Variants in QKI observed in about 807,000 individuals in gnomAD.
QKI encodes the protein QKI, KH domain containing RNA binding.
QKI carries 10 observed loss-of-function variants against 39.0 expected under a neutral mutation model. That is an observed-to-expected ratio of 0.26 (90% CI 0.16 to 0.43). The LOEUF (loss-of-function observed/expected upper bound fraction) is 0.43, where lower values mean the gene tolerates loss of function less well. Ranked by LOEUF, QKI falls within the 20% of genes least tolerant of loss-of-function variation. QKI has a pLI of 1.00. For missense variants in QKI, 218 were observed against 428.0 expected, an observed-to-expected ratio of 0.51 and a Z score of 4.33; for synonymous variants, 204 against 155.4, an observed-to-expected ratio of 1.31 and a Z score of -2.33.
intron 2 of QKI, chr6:163,457,525 C>T: frequency 2.2e-6 from 1 of 450,214 alleles, no homozygotes; most frequent in South Asian, 1.6e-5. Flanking sequence ...AGCCCCTTTC[C>T]ATACTTATTG....
intron 4 of QKI, among the ~76,000 whole-genome samples, chr6:163,560,808 A>G (rs1015053448): frequency 2.0e-5 from 3 of 152,214 alleles, no homozygotes; most frequent in African/African-American, 4.8e-5. Context: ...GCCTTTGTGT[A>G]GAGATTGATT....
At chr6:163,460,036 T>C (rs1791229272) in intron 2 of QKI, among the ~76,000 whole-genome samples, 1 of 152,208 alleles carries the variant, frequency 6.6e-6, no homozygotes, top group African/African-American at 2.4e-5. Context: ...TAGTTATCAA[T>C]TTCAAGTTGT....
intron 4 of QKI, among the ~76,000 whole-genome samples, chr6:163,554,893 A>C (rs1027617280): frequency 1.3e-5 from 2 of 152,202 alleles, no homozygotes; most frequent in Non-Finnish European, 2.9e-5. Context: ...CAGTCCATCC[A>C]CAAAATAGCA....
chr6:163,441,458 T>C (rs2128214941), intron 1 of QKI, among the ~76,000 whole-genome samples: 1 of 152,316 alleles, frequency 6.6e-6, no homozygotes, highest in East Asian at 1.9e-4. Flanking sequence ...AAAGGTGTTT[T>C]TTCTCCAAGG....
chr6:163,516,573 G>C (rs1394839957), intron 3 of QKI, among the ~76,000 whole-genome samples: 1 of 152,196 alleles, frequency 6.6e-6, no homozygotes, highest in Non-Finnish European at 1.5e-5. Flanking sequence ...GATTACAGGC[G>C]TGAGCCATTG....
chr6:163,449,791 T>C (rs1007479839), intron 1 of QKI, among the ~76,000 whole-genome samples: 3 of 152,126 alleles, frequency 2.0e-5, no homozygotes, highest in Admixed American at 2.0e-4. Context: ...CATTGCAGTA[T>C]TGATTTTATA....
intron 1 of QKI, among the ~76,000 whole-genome samples, chr6:163,435,500 A>G (rs979702560): frequency 2.0e-5 from 3 of 152,224 alleles, no homozygotes; most frequent in Non-Finnish European, 4.4e-5. Context: ...TGAGGAGAAC[A>G]TTGGAATCAT....
intron 3 of QKI, among the ~76,000 whole-genome samples, chr6:163,491,579 C>T (rs2128228518): frequency 6.6e-6 from 1 of 152,036 alleles, no homozygotes; most frequent in South Asian, 2.1e-4. Flanking sequence ...TCATTAAGGA[C>T]TCAAATGGCT....
At chr6:163,421,531 G>A (rs1243777631) in intron 1 of QKI, among the ~76,000 whole-genome samples, 1 of 151,638 alleles carries the variant, frequency 6.6e-6, no homozygotes, top group Non-Finnish European at 1.5e-5. Context: ...GTCCCTAAGT[G>A]CTGCTTTGGT....
chr6:163,562,056 C>A lies in QKI; in HGVS notation c.621C>A (p.Ala207=). The A allele has an allele frequency of 6.2e-7, 1 of 1,612,392 alleles. No homozygotes were observed. Among genetic ancestry groups the A allele is most frequent in the South Asian group, 1.1e-5 (1 of 90,848 alleles). ...TTCTGAATGGCACCTACAGAGATGC[C>A]AACATTAAATCACGTAAGAATGAGC... ...LAILNGTYRD[A]NIKSPALAFS... is the part of the protein sequence containing the mutation. The change falls in exon 5 of 8, where the codon GCC becomes GCA. Residue 207 remains alanine, a synonymous_variant. Transcript: ENST00000361752.
chr6:163,551,349 C>A (rs116090870), intron 4 of QKI, among the ~76,000 whole-genome samples: 10 of 152,300 alleles, frequency 6.6e-5, no homozygotes, highest in African/African-American at 2.2e-4. Context: ...GGCTCCAGTT[C>A]CACAAGATGT....
chr6:163,569,870 AC>A, intron 7 of QKI: 1 of 987,522 alleles, frequency 1.0e-6, no homozygotes, highest in Non-Finnish European at 1.2e-6. Flanking sequence ...TTTTTGATGT[AC>A]TTAGAGCTTT....
chr6:163,532,984 T>C (rs2128240747), intron 3 of QKI, among the ~76,000 whole-genome samples: 1 of 152,252 alleles, frequency 6.6e-6, no homozygotes, highest in South Asian at 2.1e-4. Flanking sequence ...TTTTGCCAGT[T>C]TTTTGGTTGT....
At chr6:163,520,853 T>C (rs1780109493) in intron 3 of QKI, among the ~76,000 whole-genome samples, 1 of 152,216 alleles carries the variant, frequency 6.6e-6, no homozygotes, top group Non-Finnish European at 1.5e-5. Flanking sequence ...TGAAGGGTTA[T>C]GAGAAATATA....
At chr6:163,527,998 AT>A (rs1244593868) in intron 3 of QKI, among the ~76,000 whole-genome samples, 1 of 152,140 alleles carries the variant, frequency 6.6e-6, no homozygotes, top group East Asian at 1.9e-4. Flanking sequence ...TGAGTCTCTC[AT>A]TTAGGGAGAA....
chr6:163,552,991 C>G, intron 4 of QKI, among the ~76,000 whole-genome samples: 1 of 151,436 alleles, frequency 6.6e-6, no homozygotes, highest in East Asian at 1.9e-4. Flanking sequence ...GTTTTTGCCT[C>G]TCTGTCCCAC....
chr6:163,564,038 G>C, intron 6 of QKI: 1 of 1,142,990 alleles, frequency 8.7e-7, no homozygotes, highest in Non-Finnish European at 1.1e-6. Flanking sequence ...CCATTGGCCC[G>C]TCACCTCCAT....
chr6:163,444,333 G>C (rs1228998238), intron 1 of QKI, among the ~76,000 whole-genome samples: 1 of 152,216 alleles, frequency 6.6e-6, no homozygotes, highest in Non-Finnish European at 1.5e-5. Flanking sequence ...AGAAGGTTCA[G>C]TTTGAAGGCA....
intron 1 of QKI, among the ~76,000 whole-genome samples, chr6:163,421,605 CAT>C (rs1442487719): frequency 6.6e-6 from 1 of 152,168 alleles, no homozygotes; most frequent in Non-Finnish European, 1.5e-5. Context: ...TGAGTATAAT[CAT>C]ATGTGGCTGA....
Sources: allele counts gnomAD v4.1 joint callset (sites outside exome capture counted in the v4.1 genomes callset), GRCh38; gene constraint gnomAD v4.1.1; transcripts MANE v1.5; gene names NCBI Gene and HGNC (gene_info 2026-07-23, HGNC 2026-07-21).